The following SSH2 variants were observed in gnomAD, a reference collection of about 807,000 sequenced individuals.
SSH2 encodes protein phosphatase Slingshot homolog 2.
Under a neutral mutation model 135.2 loss-of-function variants are expected in SSH2, and 37 were observed. That is an observed-to-expected ratio of 0.27 (90% CI 0.21 to 0.36). The LOEUF is 0.36. SSH2 is among the 10% of genes least tolerant of loss of function. SSH2 has a pLI of 1.00. For missense variants in SSH2, 1,408 were observed against 1,765.3 expected (o/e 0.80, Z 3.63); for synonymous variants, 628 against 646.2 (o/e 0.97, Z 0.43).
intron 11 of SSH2, among the ~76,000 whole-genome samples, chr17:29,659,120 A>C (rs2036914561): frequency 6.6e-6 from 1 of 152,174 alleles, no homozygotes; most frequent in African/African-American, 2.4e-5. Flanking sequence ...ACTAAATGTA[A>C]CAGTTCATAG....
chr17:29,741,426 C>CA (rs770192194), intron 3 of SSH2, among the ~76,000 whole-genome samples: 16 of 151,920 alleles, frequency 1.1e-4, no homozygotes, highest in Non-Finnish European at 1.6e-4. Context: ...TTTATAACTG[C>CA]AAAAAACTGG....
At chr17:29,643,359 A>G (rs2036242051) in intron 14 of SSH2, 2 of 779,842 alleles carry the variant, frequency 2.6e-6, no homozygotes, top group Non-Finnish European at 3.1e-6. Flanking sequence ...TCACTGTCCC[A>G]TGGGTTCAGG....
chr17:29,828,959 A>G (rs1157958344), intron 2 of SSH2, among the ~76,000 whole-genome samples: 1 of 152,146 alleles, frequency 6.6e-6, no homozygotes, highest in Non-Finnish European at 1.5e-5. Context: ...TTCCATTTCC[A>G]TCTCCAAATG....
intron 3 of SSH2, chr17:29,793,597 AGTCAGTAACTG>A (rs2042108667): frequency 1.8e-5 from 4 of 222,006 alleles, no homozygotes; most frequent in Non-Finnish European, 3.5e-5. Context: ...AATCTTTCTG[AGTCAGTAACTG>A]GATTCCTAAA....
At chr17:29,638,805 C>G (rs1359000263) in intron 14 of SSH2, among the ~76,000 whole-genome samples, 1 of 152,064 alleles carries the variant, frequency 6.6e-6, no homozygotes, top group African/African-American at 2.4e-5. Context: ...ATCCTCCTGC[C>G]TTGGCCTCAG....
At chr17:29,771,090 C>A (rs2041575592) in intron 3 of SSH2, among the ~76,000 whole-genome samples, 1 of 152,162 alleles carries the variant, frequency 6.6e-6, no homozygotes, top group Non-Finnish European at 1.5e-5. Context: ...CTGATTAAGT[C>A]CAGTGATCAA....
chr17:29,783,046 T>C (rs1023010782), intron 3 of SSH2, among the ~76,000 whole-genome samples: 8 of 151,986 alleles, frequency 5.3e-5, no homozygotes, highest in African/African-American at 1.9e-4. Context: ...GTATAAAGGA[T>C]AATTTGTTGG....
At chr17:29,741,943 T>C (rs2040573057) in intron 3 of SSH2, among the ~76,000 whole-genome samples, 1 of 146,216 alleles carries the variant, frequency 6.8e-6, no homozygotes, top group African/African-American at 2.5e-5. Context: ...TCTTTTTTTT[T>C]TTTTTTTTTT....
chr17:29,779,497 C>A (rs1346631692), intron 3 of SSH2, among the ~76,000 whole-genome samples: 2 of 152,058 alleles, frequency 1.3e-5, no homozygotes, highest in East Asian at 3.8e-4. Context: ...GAAAGTGTAA[C>A]CCACATGGTG....
At chr17:29,880,544 T>A (rs2066118563) in intron 1 of SSH2, among the ~76,000 whole-genome samples, 1 of 152,194 alleles carries the variant, frequency 6.6e-6, no homozygotes, top group African/African-American at 2.4e-5. Context: ...TTTTAATTAA[T>A]CTGATTTTTA....
chr17:29,925,541 A>G, intron 1 of SSH2: 1 of 398,454 alleles, frequency 2.5e-6, no homozygotes, highest in Non-Finnish European at 4.4e-6. Flanking sequence ...CAAGACCCCA[A>G]GCAAGTCCCC....
At chr17:29,756,456 GTCTA>G (rs2041126773) in intron 3 of SSH2, among the ~76,000 whole-genome samples, 1 of 45,962 alleles carries the variant, frequency 2.2e-5, no homozygotes, top group Non-Finnish European at 5.9e-5. Flanking sequence ...CTGCCTATCT[GTCTA>G]TCTATCCATC....
In SSH2 at chr17:29,905,908, G is replaced by A. The variant is rs9914180; in HGVS notation, c.63+24030C>T. On this transcript the variant is annotated intron_variant, in intron 1 of 15. Coordinates refer to ENST00000540801, the MANE Select transcript of SSH2 (RefSeq NM_001282129.2). ...ACTGCAGAAAGGAGCTACCCTCTCT[G>A]CTGAGAGTTTCAGAGACCTGCAGAG... Among the ~76,000 whole-genome samples the A allele has an allele frequency of 6.5e-3, 996 of 152,232 alleles. 6 individuals carry two copies. The highest frequency in any genetic ancestry group is 0.023 in the African/African-American group (955 of 41,530).
At chr17:29,913,347 AATAT>A (rs56068605) in intron 1 of SSH2, among the ~76,000 whole-genome samples, 698 of 28,698 alleles carry the variant, frequency 0.024, 43 homozygotes, top group South Asian at 0.046. Flanking sequence ...AAAAAAAAAA[AATAT>A]ATATATATAT....
chr17:29,864,284 A>G (rs2065815442), intron 1 of SSH2: 1 of 151,174 alleles, frequency 6.6e-6, no homozygotes, highest in Admixed American at 6.7e-5. Flanking sequence ...CAGCCTGGGC[A>G]ACAACAGCAA....
chr17:29,879,593 G>A (rs1349988793), intron 1 of SSH2, among the ~76,000 whole-genome samples: 1 of 151,912 alleles, frequency 6.6e-6, no homozygotes, highest in Non-Finnish European at 1.5e-5. Context: ...TACCTACTAG[G>A]TGTTTTTGTG....
rs1457771986 is a variant in SSH2, at chr17:29,873,133, A to C, written c.64-24204T>G. Among the ~76,000 whole-genome samples, 3 of 152,240 alleles carry C rather than the reference A, an allele frequency of 2.0e-5. No individual in the cohort carries two copies. The South Asian group carries it at 6.2e-4, about 31-fold the overall frequency. ...CGGAGTTAACAAGGCAAGCAAGCCA[A>C]CCTGCAAGCAAAACAAAATATCCAC... On this transcript the variant is annotated intron_variant, in intron 1 of 15. Transcript: ENST00000540801.
At position 29,859,717 on chromosome 17, in the gene SSH2, A is replaced by G. The variant is rs147231166; in HGVS notation, c.64-10788T>C. 2.9e-4 allele frequency among the ~76,000 whole-genome samples: 44 copies of G among 152,256 alleles called. No individual in the cohort carries two copies. In the East Asian group the frequency reaches 7.9e-3, roughly 27 times the overall value. ...ATCGATGGGCATTTAGGCTGATTCC[A>G]TGTCTTTGCTGTTGTAAATAGGGCT... On this transcript the variant is annotated intron_variant, in intron 1 of 15. Transcript: ENST00000540801.
intron 2 of SSH2, among the ~76,000 whole-genome samples, chr17:29,824,952 G>GT (rs374946513): frequency 1.3e-5 from 2 of 152,050 alleles, no homozygotes; most frequent in Non-Finnish European, 2.9e-5. Flanking sequence ...ATAGATGGCT[G>GT]TTTTTTTCAT....
Sources: allele counts gnomAD v4.1 joint callset (sites outside exome capture counted in the v4.1 genomes callset), GRCh38; gene constraint gnomAD v4.1.1; transcripts MANE v1.5; gene names NCBI Gene and HGNC (gene_info 2026-07-23, HGNC 2026-07-21).